The following USP8 variants were observed in gnomAD, a reference collection of about 807,000 sequenced individuals.
The protein encoded by USP8 is ubiquitin carboxyl-terminal hydrolase 8.
A neutral mutation model predicts 130.0 loss-of-function variants in USP8; 27 were observed. The observed-to-expected ratio is 0.21, with a 90% confidence interval of 0.15 to 0.29. The LOEUF (loss-of-function observed/expected upper bound fraction) is 0.29. Ranked by LOEUF, USP8 falls within the 10% of genes least tolerant of loss-of-function variation. The pLI, the probability that USP8 is intolerant of heterozygous loss-of-function variation, is 1.00. For missense variants in USP8, 1,029 were observed against 1,312.2 expected (o/e 0.78, Z 3.33); for synonymous variants, 392 against 444.1 (o/e 0.88, Z 1.48).
At chr15:50,479,904 A>G (rs1482406661) in intron 10 of USP8, among the ~76,000 whole-genome samples, 12 of 151,972 alleles carry the variant, frequency 7.9e-5, no homozygotes, top group Admixed American at 7.2e-4. Flanking sequence ...GATTATAGGC[A>G]CATGCCACCA....
intron 2 of USP8, among the ~76,000 whole-genome samples, chr15:50,439,897 C>T (rs1023500643): frequency 5.3e-5 from 8 of 151,380 alleles, no homozygotes; most frequent in South Asian, 2.1e-4. Context: ...ATACCAGCCT[C>T]GGCAACATGG....
chr15:50,500,994 G>T lies in USP8; in HGVS notation c.*1906G>T. 1 of 600,944 alleles carries T rather than the reference G, an allele frequency of 1.7e-6. No homozygotes were observed. The highest frequency in any genetic ancestry group is 3.0e-6 in the Non-Finnish European group (1 of 337,576). The allele number at this position is 600,944 out of a possible 1,614,324, so 37.2% of individuals were successfully genotyped here. On this transcript the variant is annotated 3_prime_UTR_variant, in exon 20 of 20. Transcript: ENST00000307179. The stretch of plus-strand genomic sequence containing the variant: ...GTTAAATCATGCATATAGCCTGACT[G>T]CTATATTGCTTCTCATTTCATTGTA...
chr15:50,484,176 A>G (rs375127176), intron 11 of USP8, 99 bp from the exon 12 acceptor site: 1 of 897,458 alleles, frequency 1.1e-6, no homozygotes, highest in Non-Finnish European at 1.6e-6. Context: ...CTCCTTTTAC[A>G]TTTTCATTCT....
chr15:50,494,482 G>A (rs923307394), intron 16 of USP8, among the ~76,000 whole-genome samples: 3 of 152,226 alleles, frequency 2.0e-5, no homozygotes, highest in Admixed American at 2.0e-4. Flanking sequence ...TTAACAAGCA[G>A]TATTGCTGAG....
At chr15:50,462,639 TG>T (rs1162963993) in intron 6 of USP8, among the ~76,000 whole-genome samples, 38 of 152,360 alleles carry the variant, frequency 2.5e-4, no homozygotes, top group African/African-American at 8.9e-4. Flanking sequence ...GTTAAGAGCA[TG>T]GACTCTCAGA....
Position 50,512,621 on chromosome 15 carries a change from C to G in USP8, c.*13533C>G, listed in dbSNP as rs543089885. On this transcript the variant is annotated 3_prime_UTR_variant, in exon 20 of 20. Transcript: ENST00000307179. ...TCTGGCCAACATGGTGAAACCACAT[C>G]TCTACTAAAAATATTTTTAAAAATT... 1 of 152,056 alleles carries G rather than the reference C, an allele frequency of 6.6e-6. No homozygotes were observed. The highest frequency in any genetic ancestry group is 6.6e-5 in the Admixed American group (1 of 15,246). 9.4% of individuals were successfully genotyped at this position (152,056 alleles called of 1,614,324 possible). A position where few individuals can be genotyped will look rare whatever the true frequency, so the allele number is the denominator to read the frequency against.
chr15:50,496,112 A>G (rs1324934367), intron 17 of USP8, 28 bp downstream of exon 17: 10 of 1,524,104 alleles, frequency 6.6e-6, no homozygotes, highest in Non-Finnish European at 9.0e-6. Flanking sequence ...AGAGAAAATG[A>G]TTTATTGGAT....
chr15:50,453,002 C>G lies in USP8; in HGVS notation c.335+3517C>G, dbSNP rs115427652. On this transcript the variant is annotated intron_variant, in intron 4 of 19. Transcript: ENST00000307179. ...TTCTGTTTCTAACAGTGAAATGATG[C>G]TAGCATATGAGATAGGCAGGAAAGT... Among the ~76,000 whole-genome samples the G allele has an allele frequency of 6.4e-3, 971 of 152,200 alleles. 14 individuals carry two copies. Among genetic ancestry groups the G allele is most frequent in the African/African-American group, 0.023 (935 of 41,504 alleles).
chr15:50,424,990 G>A (rs1315366570), intron 1 of USP8, among the ~76,000 whole-genome samples: 2 of 137,782 alleles, frequency 1.5e-5, no homozygotes, highest in East Asian at 2.2e-4. Flanking sequence ...TCCTCAAATA[G>A]AAGATTTTTT....
At position 50,459,996 on chromosome 15, in the gene USP8, C is replaced by CCTTT. The variant is rs567135111; in HGVS notation, c.498+834_498+835insCTTT. Among the ~76,000 whole-genome samples the CCTTT allele has an allele frequency of 6.4e-3, 591 of 91,994 alleles. 4 individuals carry two copies. The highest frequency in any genetic ancestry group is 0.018 in the Middle Eastern group (3 of 170). 60.4% of individuals were successfully genotyped at this position (91,994 alleles called of 152,430 possible). On this transcript the variant is annotated intron_variant, in intron 5 of 19. Transcript: ENST00000307179. ...CTCCCCCAGTTCCCCCACCCCCCCC[C>CCTTT]TTTTTTTTTTTTTTTTTTGAGACAG...
Position 50,490,436 on chromosome 15 carries a change from C to T in USP8, c.2145C>T (p.Arg715=). The T allele has an allele frequency of 1.2e-6, 2 of 1,614,174 alleles. No homozygotes were observed. Among genetic ancestry groups the T allele is most frequent in the Non-Finnish European group, 8.5e-7 (1 of 1,180,038 alleles). ...ERDREPSKLK[R]SYSSPDITQA... The stretch of plus-strand genomic sequence containing the variant: ...ATAGGGAACCTTCCAAACTGAAGCG[C>T]TCCTACTCCTCCCCAGATATAACCC... Residue 715 remains arginine (R), a synonymous_variant, in exon 14 of 20, where the codon CGC becomes CGT. Transcript: ENST00000307179.
chr15:50,437,945 T>G (rs916087327), intron 1 of USP8, among the ~76,000 whole-genome samples: 1 of 152,182 alleles, frequency 6.6e-6, no homozygotes, highest in Non-Finnish European at 1.5e-5. Flanking sequence ...AAGTGTTTGG[T>G]TCAACATGTG....
chr15:50,485,987 AT>A (rs1448246756), intron 12 of USP8, among the ~76,000 whole-genome samples: 2 of 152,152 alleles, frequency 1.3e-5, no homozygotes, highest in Non-Finnish European at 2.9e-5. Flanking sequence ...ACCCAGAGTT[AT>A]TTTTTTCAAG....
chr15:50,493,090 C>T, intron 15 of USP8, 177 bp downstream of exon 15: 2 of 729,012 alleles, frequency 2.7e-6, no homozygotes, highest in Admixed American at 2.0e-5. Context: ...CGTCTAGGTG[C>T]CGGCATCTGG....
rs2052550025 is a variant in USP8, at chr15:50,499,925, T to G, written c.*837T>G. Reference sequence around the variant, plus strand: ...ATTCTCACATATTGAGAATATTCATTCTAAATATTAAAGTAAAAATGCCGG... The same window carrying G: ...ATTCTCACATATTGAGAATATTCATGCTAAATATTAAAGTAAAAATGCCGG... On this transcript the variant is annotated 3_prime_UTR_variant, in exon 20 of 20. Coordinates refer to ENST00000307179, the MANE Select transcript of USP8 (RefSeq NM_005154.5). 6.6e-6 allele frequency: 1 copy of G among 152,110 alleles called. No individual in the cohort carries two copies. Among genetic ancestry groups the G allele is most frequent in the Non-Finnish European group, 1.5e-5 (1 of 68,012 alleles). The allele number at this position is 152,110 out of a possible 1,614,324, so 9.4% of individuals were successfully genotyped here. A position where few individuals can be genotyped will look rare whatever the true frequency, so the allele number is the denominator to read the frequency against.
intron 1 of USP8, among the ~76,000 whole-genome samples, chr15:50,429,455 C>T (rs141454322): frequency 6.6e-6 from 1 of 152,140 alleles, no homozygotes; most frequent in African/African-American, 2.4e-5. Context: ...TATTTTGTTG[C>T]TCCTAGCAGC....
At chr15:50,453,860 C>CTTTT (rs71124355) in intron 4 of USP8, among the ~76,000 whole-genome samples, 3,045 of 86,884 alleles carry the variant, frequency 0.035, 236 homozygotes, top group African/African-American at 0.053. Flanking sequence ...TGGGAATATT[C>CTTTT]TTTTTTTTTT....
At chr15:50,497,525 T>G (rs115659119) in intron 18 of USP8, 123 of 216,902 alleles carry the variant, frequency 5.7e-4, no homozygotes, top group African/African-American at 2.6e-3. Flanking sequence ...TCAAACAAAT[T>G]AGCACATGAA....
In USP8 at chr15:50,481,522, G is replaced by T. The variant is rs748164919; in HGVS notation, c.1260G>T (p.Glu420Asp). 2.5e-5 allele frequency: 40 copies of T among 1,607,630 alleles called. No homozygotes were observed. The highest frequency in any genetic ancestry group is 8.5e-6 in the Non-Finnish European group (10 of 1,178,432). ...AACCAGCAGTCAAATTGCCTGAAGA[G>T]CATAGAATAAAATCTGAAAGTACAA... Reference protein sequence around the residue: ...TKKPAVKLPEEHRIKSESTNH... With the variant: ...TKKPAVKLPEDHRIKSESTNH... Residue 420 changes from glutamate (E) to aspartate (D), a missense_variant, in exon 11 of 20, where the codon GAG becomes GAT. By Grantham distance (45) the Glu-to-Asp change is conservative. Around this residue, in one of 4 missense-constraint regions of USP8, gnomAD observed 486 missense variants for 522.0 expected, o/e 0.93. Transcript: ENST00000307179.
Sources: allele counts gnomAD v4.1 joint callset (sites outside exome capture counted in the v4.1 genomes callset), GRCh38; gene constraint gnomAD v4.1.1; regional missense constraint gnomAD v4.1.1; transcripts MANE v1.5; gene names NCBI Gene and HGNC (gene_info 2026-07-23, HGNC 2026-07-21).